KCNMA1: variants seen among roughly 807,000 people sequenced by gnomAD.
KCNMA1 encodes the protein potassium calcium-activated channel subfamily M alpha 1, also known as Calcium-activated potassium channel subunit alpha-1.
KCNMA1 carries 29 observed loss-of-function variants against 140.0 expected under a neutral mutation model. That is an observed-to-expected ratio of 0.21 (90% CI 0.15 to 0.28). The LOEUF is 0.28. KCNMA1 is among the 10% of genes least tolerant of loss of function. KCNMA1 has a pLI of 1.00. For missense variants in KCNMA1, 880 were observed against 1,602.2 expected (o/e 0.55, Z 7.70); for synonymous variants, 612 against 611.9 (o/e 1.00, Z 0.00).
chr10:77,309,098 G>T (rs2078597835), intron 2 of KCNMA1, among the ~76,000 whole-genome samples: 1 of 152,194 alleles, frequency 6.6e-6, no homozygotes, highest in Non-Finnish European at 1.5e-5. Context: ...CCGGCAGAGT[G>T]CATAAATACC....
At chr10:77,431,426 T>C (rs908146271) in intron 1 of KCNMA1, among the ~76,000 whole-genome samples, 3 of 152,076 alleles carry the variant, frequency 2.0e-5, no homozygotes, top group African/African-American at 7.2e-5. Flanking sequence ...CAGAACAGTG[T>C]CCTAGGGATT....
At chr10:77,613,541 G>A (rs1233808946) in intron 1 of KCNMA1, among the ~76,000 whole-genome samples, 1 of 152,246 alleles carries the variant, frequency 6.6e-6, no homozygotes, top group African/African-American at 2.4e-5. Flanking sequence ...GGTTCAGACC[G>A]CAGGCCGGCT....
chr10:77,090,467 T>C lies in KCNMA1; in HGVS notation c.1267A>G (p.Asn423Asp). ...TTGTGCAGAAAGTCCTTCAGGAAGT[T>C]GGAAACACTCTCCAGAGTGATGTGT... ...CGHITLESVS[N>D]FLKDFLHKDR... is the part of the protein sequence containing the mutation. The change falls in exon 10 of 28, where the codon AAC (asparagine) becomes GAC (aspartate). Residue 423 changes from asparagine to aspartate, a missense_variant. Transcript: ENST00000286628. The C allele has an allele frequency of 6.2e-7, 1 of 1,614,100 alleles. No homozygotes were observed. The highest frequency in any genetic ancestry group is 8.5e-7 in the Non-Finnish European group (1 of 1,179,978).
intron 1 of KCNMA1, among the ~76,000 whole-genome samples, chr10:77,405,710 A>C (rs1009570918): frequency 2.6e-5 from 4 of 152,270 alleles, no homozygotes; most frequent in African/African-American, 9.6e-5. Flanking sequence ...TTCATCATTT[A>C]AAACTCTGGA....
chr10:77,025,540 C>G, intron 16 of KCNMA1: 2 of 1,160,130 alleles, frequency 1.7e-6, no homozygotes, highest in South Asian at 1.3e-5. Flanking sequence ...AGGAATAAAA[C>G]CTTTGTTTCA....
At chr10:77,293,787 G>A (rs1217771578) in intron 2 of KCNMA1, among the ~76,000 whole-genome samples, 1 of 152,242 alleles carries the variant, frequency 6.6e-6, no homozygotes, top group Non-Finnish European at 1.5e-5. Flanking sequence ...AGGGAAAGAA[G>A]GAAATAGAAA....
At chr10:77,483,957 C>T (rs1024604943) in intron 1 of KCNMA1, among the ~76,000 whole-genome samples, 4 of 152,184 alleles carry the variant, frequency 2.6e-5, no homozygotes, top group Non-Finnish European at 4.4e-5. Flanking sequence ...AAGGAATCAA[C>T]ATGGAACCAC....
chr10:77,278,080 A>C (rs2067201785), intron 2 of KCNMA1, among the ~76,000 whole-genome samples: 1 of 152,198 alleles, frequency 6.6e-6, no homozygotes, highest in Non-Finnish European at 1.5e-5. Flanking sequence ...TCTGTTGTAG[A>C]CCTTTGTGAC....
rs142110819 is a variant in KCNMA1, at chr10:76,954,824, C to A, written c.2361-900G>T. ...GGAAGATGCTTCCATAAAGGCCTCCCGTCTAGTGGGTTGGCAGAGCCTCAC... is the reference window on the plus strand; with the variant it reads ...GGAAGATGCTTCCATAAAGGCCTCCAGTCTAGTGGGTTGGCAGAGCCTCAC... On this transcript the variant is annotated intron_variant, in intron 20 of 27. Coordinates refer to ENST00000286628, the MANE Select transcript of KCNMA1 (RefSeq NM_001161352.2). 3.2e-3 allele frequency among the ~76,000 whole-genome samples: 485 copies of A among 152,244 alleles called. 2 individuals are homozygous for A. Among genetic ancestry groups the A allele is most frequent in the Non-Finnish European group, 5.4e-3 (367 of 68,014 alleles).
intron 2 of KCNMA1, among the ~76,000 whole-genome samples, chr10:77,379,183 C>T (rs888208908): frequency 2.0e-5 from 3 of 152,138 alleles, no homozygotes; most frequent in Non-Finnish European, 4.4e-5. Flanking sequence ...TCTTGATACA[C>T]CTGCTTGACG....
chr10:77,399,826 A>C lies in KCNMA1; in HGVS notation c.540+4036T>G, dbSNP rs577754020. On this transcript the variant is annotated intron_variant, in intron 2 of 27. Transcript: ENST00000286628. ...CAGTGCCTTGAACAGTGCCAGGTAC[A>C]GATGAGCAGTAAACACTTAGTGAAT... 9.8e-5 allele frequency among the ~76,000 whole-genome samples: 15 copies of C among 152,342 alleles called. No individual in the cohort carries two copies. In the South Asian group the frequency reaches 2.9e-3, roughly 29 times the overall value.
chr10:77,526,576 T>C lies in KCNMA1; in HGVS notation c.378+110689A>G, dbSNP rs545584787. 2.0e-5 allele frequency among the ~76,000 whole-genome samples: 3 copies of C among 152,342 alleles called. No homozygotes were observed. In the East Asian group the frequency reaches 5.8e-4, roughly 29 times the overall value. ...CAAATGTTAGTGGCCCGATCATTCC[T>C]ACAAGAAATGGCACTGACTTGCCCT... On this transcript the variant is annotated intron_variant, in intron 1 of 27. Transcript: ENST00000286628.
chr10:77,465,285 T>C (rs1240356779), intron 1 of KCNMA1, among the ~76,000 whole-genome samples: 1 of 152,214 alleles, frequency 6.6e-6, no homozygotes, highest in East Asian at 1.9e-4. Context: ...GCAAAGCTGG[T>C]ACCTGCAGAC....
chr10:77,322,944 T>C (rs546812460), intron 2 of KCNMA1, among the ~76,000 whole-genome samples: 3 of 152,284 alleles, frequency 2.0e-5, no homozygotes, highest in African/African-American at 7.2e-5. Context: ...TTTATGAGCA[T>C]TTTGAAAGAA....
intron 2 of KCNMA1, among the ~76,000 whole-genome samples, chr10:77,270,384 A>C (rs2064691168): frequency 6.6e-6 from 1 of 152,176 alleles, no homozygotes; most frequent in South Asian, 2.1e-4. Context: ...GCTCAGCAAG[A>C]GCCCAGAAGT....
intron 17 of KCNMA1, among the ~76,000 whole-genome samples, chr10:77,016,858 G>A (rs1380921399): frequency 6.6e-6 from 1 of 151,986 alleles, no homozygotes; most frequent in Non-Finnish European, 1.5e-5. Flanking sequence ...TTCTTTTGTT[G>A]CTTTTTTGCA....
At chr10:77,286,770 G>A (rs1023000955) in intron 2 of KCNMA1, among the ~76,000 whole-genome samples, 2 of 3,288 alleles carry the variant, frequency 6.1e-4, no homozygotes, top group East Asian at 2.0e-3. Flanking sequence ...TGTGTGCGGG[G>A]GGGGGGGGGG....
intron 1 of KCNMA1, among the ~76,000 whole-genome samples, chr10:77,614,502 A>C (rs1356955263): frequency 6.6e-6 from 1 of 152,122 alleles, no homozygotes; most frequent in Non-Finnish European, 1.5e-5. Context: ...TGTAAGATAG[A>C]CTCAAAGGTG....
chr10:77,378,048 G>GA (rs1237945029), intron 2 of KCNMA1, among the ~76,000 whole-genome samples: 2 of 152,312 alleles, frequency 1.3e-5, no homozygotes, highest in East Asian at 3.9e-4. Flanking sequence ...TTCTTTCAAT[G>GA]AGTTCAGAGA....
Sources: gnomAD v4.1 joint callset for allele counts (sites outside exome capture counted in the v4.1 genomes callset) on GRCh38, gnomAD v4.1.1 for gene constraint, MANE v1.5 for transcripts, NCBI Gene and HGNC (gene_info 2026-07-23, HGNC 2026-07-21) for gene names.